PDE4D: variants seen among roughly 807,000 people sequenced by gnomAD.
PDE4D encodes the protein phosphodiesterase 4D.
Under a neutral mutation model 87.4 loss-of-function variants are expected in PDE4D, and 24 were observed. The observed-to-expected ratio is 0.27, with a 90% CI of 0.20 to 0.39. The LOEUF (loss-of-function observed/expected upper bound fraction) is 0.39, where lower values mean the gene tolerates loss of function less well. Among genes scored for constraint, PDE4D ranks in the 10% least tolerant of loss-of-function variants. The pLI is 1.00. For synonymous variants in PDE4D, 384 were observed against 383.2 expected, an observed-to-expected ratio of 1.00 and a Z score of -0.02; for missense variants, 714 against 1,041.0, an observed-to-expected ratio of 0.69 and a Z score of 4.32.
At chr5:60,463,021 C>G (rs1322364354) in intron 1 of PDE4D, among the ~76,000 whole-genome samples, 1 of 152,092 alleles carries the variant, frequency 6.6e-6, no homozygotes, top group Non-Finnish European at 1.5e-5. Flanking sequence ...AAGAAGGAAA[C>G]CCGTGAAACA....
chr5:59,511,466 G>A (rs1378956270), intron 1 of PDE4D, among the ~76,000 whole-genome samples: 1 of 151,926 alleles, frequency 6.6e-6, no homozygotes, highest in Non-Finnish European at 1.5e-5. Flanking sequence ...CATGGCTTAA[G>A]TAATTTTCAA....
chr5:60,351,062 G>C (rs931697747), intron 1 of PDE4D, among the ~76,000 whole-genome samples: 3 of 152,190 alleles, frequency 2.0e-5, no homozygotes, highest in African/African-American at 7.2e-5. Context: ...CATGTGCTCA[G>C]GCATTTTTGG....
intron 1 of PDE4D, among the ~76,000 whole-genome samples, chr5:59,535,476 A>G (rs1441258515): frequency 6.6e-6 from 1 of 152,242 alleles, no homozygotes; most frequent in Non-Finnish European, 1.5e-5. Context: ...TAATGAAACC[A>G]AAGTGTTACA....
intron 1 of PDE4D, among the ~76,000 whole-genome samples, chr5:60,361,884 A>G (rs879499927): frequency 6.6e-6 from 1 of 152,184 alleles, no homozygotes; most frequent in African/African-American, 2.4e-5. Flanking sequence ...TGATAAAGCA[A>G]ATAAAACGCC....
intron 2 of PDE4D, chr5:60,185,495 C>T: frequency 1.7e-6 from 2 of 1,166,918 alleles, no homozygotes; most frequent in South Asian, 2.7e-5. Context: ...AAATCCAAAA[C>T]CAAAACTAAA....
At chr5:60,319,899 G>T (rs534867586) in intron 1 of PDE4D, among the ~76,000 whole-genome samples, 2 of 152,312 alleles carry the variant, frequency 1.3e-5, no homozygotes, top group South Asian at 2.1e-4. Flanking sequence ...CCCTACTGGG[G>T]GGTACCTCCC....
intron 1 of PDE4D, among the ~76,000 whole-genome samples, chr5:59,879,410 A>G (rs1749114734): frequency 2.0e-5 from 3 of 152,186 alleles, no homozygotes; most frequent in African/African-American, 4.8e-5. Flanking sequence ...CTTGGAAAAT[A>G]CTAACCATTA....
intron 1 of PDE4D, chr5:60,335,084 C>T (rs1757629965): frequency 6.6e-6 from 1 of 152,220 alleles, no homozygotes; most frequent in Non-Finnish European, 1.5e-5. Flanking sequence ...ATGCCTACCC[C>T]AAATCATCTC....
chr5:60,073,565 T>C (rs546810821), intron 2 of PDE4D, among the ~76,000 whole-genome samples: 1 of 151,696 alleles, frequency 6.6e-6, no homozygotes, highest in South Asian at 2.1e-4. Context: ...TCCTCCTTAA[T>C]TTTTTGGAAT....
chr5:60,489,248 T>A (rs1402993666), upstream of PDE4D, among the ~76,000 whole-genome samples: 1 of 152,222 alleles, frequency 6.6e-6, no homozygotes, highest in Non-Finnish European at 1.5e-5. Context: ...AAGTGTAACA[T>A]TAGCAACGAA....
At chr5:59,113,890 A>AT (rs1186934893) in intron 5 of PDE4D, among the ~76,000 whole-genome samples, 2 of 152,194 alleles carry the variant, frequency 1.3e-5, no homozygotes, top group Non-Finnish European at 2.9e-5. Flanking sequence ...TAAGCTGTCC[A>AT]TAAATGGCAT....
At chr5:60,397,588 A>G (rs1307726382) in intron 1 of PDE4D, among the ~76,000 whole-genome samples, 1 of 152,210 alleles carries the variant, frequency 6.6e-6, no homozygotes, top group Admixed American at 6.5e-5. Flanking sequence ...GAAAATTTTA[A>G]AAGTCAAACC....
intron 5 of PDE4D, among the ~76,000 whole-genome samples, chr5:59,094,216 CAAAAAAAAAAAA>C (rs1164383460): frequency 4.8e-4 from 7 of 14,564 alleles, no homozygotes; most frequent in Admixed American, 1.1e-3. Context: ...GACTCCGTCT[CAAAAAAAAAAAA>C]AAAAAAAAAA....
At chr5:59,296,409 AATTT>A (rs1281066381) in intron 1 of PDE4D, among the ~76,000 whole-genome samples, 1 of 147,098 alleles carries the variant, frequency 6.8e-6, no homozygotes, top group African/African-American at 2.6e-5. Flanking sequence ...AATCCTAGCC[AATTT>A]ATTAAAAAAA....
intron 1 of PDE4D, among the ~76,000 whole-genome samples, chr5:59,401,480 C>CTATCTGTCTGTCTGTG (rs1490514422): frequency 1.3e-5 from 2 of 151,572 alleles, no homozygotes; most frequent in South Asian, 2.1e-4. Flanking sequence ...ATCTATCTAT[C>CTATCTGTCTGTCTGTG]TATCTATTTT....
chr5:59,985,109 C>T (rs932137280), intron 3 of PDE4D, among the ~76,000 whole-genome samples: 5 of 148,334 alleles, frequency 3.4e-5, no homozygotes, highest in Admixed American at 6.9e-5. Context: ...AATATAAGCC[C>T]GAACTTCACC....
At chr5:59,203,738 G>A (rs1748089867) in intron 2 of PDE4D, among the ~76,000 whole-genome samples, 1 of 152,068 alleles carries the variant, frequency 6.6e-6, no homozygotes, top group East Asian at 1.9e-4. Flanking sequence ...AATAAGCCAG[G>A]CAAGAAAGAT....
intron 1 of PDE4D, among the ~76,000 whole-genome samples, chr5:60,507,695 T>A (rs1432253682): frequency 6.6e-6 from 1 of 152,176 alleles, no homozygotes; most frequent in Non-Finnish European, 1.5e-5. Context: ...CAAAATACAA[T>A]GTCAAGACAC....
At chr5:60,032,180 G>C (rs76483838) in intron 2 of PDE4D, among the ~76,000 whole-genome samples, 1 of 152,038 alleles carries the variant, frequency 6.6e-6, no homozygotes, top group Non-Finnish European at 1.5e-5. Flanking sequence ...TATAGATTAG[G>C]CTATGTCTAA....
Sources: allele counts gnomAD v4.1 joint callset (sites outside exome capture counted in the v4.1 genomes callset), GRCh38; gene constraint gnomAD v4.1.1; transcripts MANE v1.5; gene names NCBI Gene and HGNC (gene_info 2026-07-23, HGNC 2026-07-21).